The following UBR3 variants were observed in gnomAD, a reference collection of about 807,000 sequenced individuals.
UBR3 encodes E3 ubiquitin-protein ligase UBR3.
In UBR3, 85 loss-of-function variants were observed where a neutral mutation model predicts 243.2. The ratio of observed to expected loss-of-function variants is 0.35; its 90% confidence interval spans 0.29 to 0.42. UBR3 has a LOEUF of 0.42. Among genes scored for constraint, UBR3 ranks in the 10% least tolerant of loss-of-function variants. The probability of loss-of-function intolerance (pLI) is 1.00; values close to 1 mark genes in which losing one functional copy is unlikely to be tolerated. For synonymous variants in UBR3, 748 were observed against 799.8 expected, an observed-to-expected ratio of 0.94 and a Z score of 1.09; for missense variants, 1,686 against 2,300.8, an observed-to-expected ratio of 0.73 and a Z score of 5.47.
At chr2:169,912,270 T>C (rs1180361086) in intron 10 of UBR3, among the ~76,000 whole-genome samples, 1 of 152,204 alleles carries the variant, frequency 6.6e-6, no homozygotes, top group Non-Finnish European at 1.5e-5. Flanking sequence ...TACTATTCAG[T>C]GGTTTATAGT....
At position 169,963,130 on chromosome 2, in the gene UBR3, T is replaced by C. The variant is rs535791733; in HGVS notation, c.3634+4604T>C. Among the ~76,000 whole-genome samples the C allele has an allele frequency of 7.2e-5, 11 of 152,308 alleles. No homozygotes were observed. In the East Asian group the frequency reaches 2.1e-3, roughly 29 times the overall value. ...TTGTTGTTGTGGATGATCCGTTTTT[T>C]CTGTGAGGTAAATGCCAAGCCCCCT... On this transcript the variant is annotated intron_variant, in intron 24 of 38. Transcript: ENST00000272793.
chr2:169,920,038 T>TAGC (rs1237948033), intron 11 of UBR3, among the ~76,000 whole-genome samples: 1 of 152,116 alleles, frequency 6.6e-6, no homozygotes, highest in Admixed American at 6.5e-5. Flanking sequence ...CTATTCACAA[T>TAGC]AGCAAAGACT....
intron 8 of UBR3, among the ~76,000 whole-genome samples, chr2:169,902,780 T>C (rs2084879427): frequency 6.6e-6 from 1 of 152,154 alleles, no homozygotes; most frequent in African/African-American, 2.4e-5. Flanking sequence ...CAGCTAACTT[T>C]GTGTTTTTAG....
chr2:170,058,873 G>A (rs1574463917), intron 33 of UBR3, among the ~76,000 whole-genome samples: 1 of 152,118 alleles, frequency 6.6e-6, no homozygotes, highest in Admixed American at 6.6e-5. Flanking sequence ...GTTTGCTGGG[G>A]TGTGGTATCA....
At chr2:169,970,254 T>C (rs1252085820) in intron 24 of UBR3, among the ~76,000 whole-genome samples, 6 of 132,402 alleles carry the variant, frequency 4.5e-5, no homozygotes, top group Admixed American at 4.4e-4. Flanking sequence ...TTTTTTTTTT[T>C]GTAGCTGTTG....
intron 29 of UBR3, chr2:170,014,983 T>G (rs1175432834): frequency 9.7e-6 from 2 of 206,036 alleles, no homozygotes; most frequent in African/African-American, 4.6e-5. Flanking sequence ...TTTTTTTTTT[T>G]TCTTAAGGCC....
chr2:170,018,575 A>G (rs2090308986), intron 30 of UBR3, among the ~76,000 whole-genome samples: 1 of 152,158 alleles, frequency 6.6e-6, no homozygotes, highest in East Asian at 1.9e-4. Context: ...ATGTCCACCA[A>G]AAACTTCGCT....
chr2:169,878,354 C>A (rs960807656), intron 4 of UBR3, among the ~76,000 whole-genome samples, 171 bp from the exon 5 acceptor site: 35 of 133,962 alleles, frequency 2.6e-4, no homozygotes, highest in Non-Finnish European at 6.9e-5. Context: ...GAGCGAGAAT[C>A]CCGTCTCAAA....
chr2:169,841,496 T>C lies in UBR3; in HGVS notation c.545+13444T>C, dbSNP rs559930121. 4.5e-3 allele frequency among the ~76,000 whole-genome samples: 683 copies of C among 152,290 alleles called. 1 individual carries two copies. Among genetic ancestry groups the C allele is most frequent in the South Asian group, 9.5e-3 (46 of 4,826 alleles). The stretch of plus-strand genomic sequence containing the variant: ...AGCCCCTTTCTGGGCTGGCCAAGGC[T>C]GGAGCCCACTTCCTCAGCCTGCAGG... On this transcript the variant is annotated intron_variant, in intron 1 of 38. Transcript: ENST00000272793.
chr2:169,978,989 T>C (rs958882709), intron 24 of UBR3, among the ~76,000 whole-genome samples: 2 of 152,104 alleles, frequency 1.3e-5, no homozygotes, highest in African/African-American at 4.8e-5. Flanking sequence ...AGCCATAGAC[T>C]GAGAGGAAAT....
chr2:169,895,483 T>C (rs2084546890), intron 7 of UBR3, among the ~76,000 whole-genome samples, 172 bp downstream of exon 7: 1 of 152,240 alleles, frequency 6.6e-6, no homozygotes, highest in Non-Finnish European at 1.5e-5. Flanking sequence ...GTGTCTTAGC[T>C]TTGTGGCAAA....
At chr2:169,878,490 C>G in intron 4 of UBR3, 35 bp from the exon 5 acceptor site, 1 of 1,537,474 alleles carries the variant, frequency 6.5e-7, no homozygotes, top group South Asian at 1.2e-5. Context: ...TATGTAGCAA[C>G]TATGAAGGAC....
chr2:170,020,444 C>T (rs948434705), intron 30 of UBR3, among the ~76,000 whole-genome samples: 2 of 152,134 alleles, frequency 1.3e-5, no homozygotes, highest in Non-Finnish European at 2.9e-5. Flanking sequence ...GTGGAATAGA[C>T]AACAGCAAAC....
At chr2:170,035,912 G>GGGT (rs1553538295) in intron 31 of UBR3, among the ~76,000 whole-genome samples, 1 of 136,936 alleles carries the variant, frequency 7.3e-6, no homozygotes, top group Admixed American at 7.3e-5. Flanking sequence ...TATTTTATTG[G>GGGT]GGGGGGGGTT....
chr2:169,906,056 A>T lies in UBR3; in HGVS notation c.1671A>T (p.Leu557=), dbSNP rs10194785. 281,950 of 1,551,452 alleles carry T rather than the reference A, an allele frequency of 0.18. 28,374 individuals carry two copies. The highest frequency in any genetic ancestry group is 0.37 in the East Asian group (15,007 of 40,862). Residue 557 remains leucine, a synonymous_variant, in exon 10 of 39, where the codon CTA becomes CTT. Coordinates refer to ENST00000272793, the MANE Select transcript of UBR3 (RefSeq NM_172070.4). ...GTATGAACTTAAACAAGCGAGAACTAAACGAGCATGTGGAATTTGAGTCTC... is the reference window on the plus strand; with the variant it reads ...GTATGAACTTAAACAAGCGAGAACTTAACGAGCATGTGGAATTTGAGTCTC... ...FQGMNLNKRE[L]NEHVEFESQT... is the part of the protein sequence containing the mutation.
At chr2:169,948,205 T>C (rs2086862045) in intron 22 of UBR3, among the ~76,000 whole-genome samples, 1 of 151,966 alleles carries the variant, frequency 6.6e-6, no homozygotes, top group Admixed American at 6.6e-5. Flanking sequence ...TTGGACCAAT[T>C]ATAGGTAGCA....
chr2:169,963,519 G>C (rs1468280307), intron 24 of UBR3, among the ~76,000 whole-genome samples: 1 of 151,756 alleles, frequency 6.6e-6, no homozygotes, highest in Non-Finnish European at 1.5e-5. Flanking sequence ...ATTTCAGTAG[G>C]AGTTTTTTAA....
chr2:170,079,133 C>A (rs2091863641), intron 36 of UBR3, among the ~76,000 whole-genome samples: 1 of 152,142 alleles, frequency 6.6e-6, no homozygotes, highest in African/African-American at 2.4e-5. Context: ...GGAGTAGCAT[C>A]TAGAAAAATT....
intron 30 of UBR3, among the ~76,000 whole-genome samples, chr2:170,023,052 T>C (rs1274238203): frequency 6.6e-6 from 1 of 152,176 alleles, no homozygotes; most frequent in Admixed American, 6.5e-5. Flanking sequence ...GTCAGAACCA[T>C]TTCCTCACTT....
Sources: gnomAD v4.1 joint callset for allele counts (sites outside exome capture counted in the v4.1 genomes callset) on GRCh38, gnomAD v4.1.1 for gene constraint, MANE v1.5 for transcripts, NCBI Gene and HGNC (gene_info 2026-07-23, HGNC 2026-07-21) for gene names.